The following EYA1 variants were observed in gnomAD, a reference collection of about 807,000 sequenced individuals.
The protein encoded by EYA1 is protein phosphatase EYA1.
Under a neutral mutation model 82.0 loss-of-function variants are expected in EYA1, and 16 were observed. The ratio of observed to expected loss-of-function variants is 0.20; its 90% CI spans 0.13 to 0.30. EYA1 has a LOEUF of 0.30. Among genes scored for constraint, EYA1 ranks in the 10% least tolerant of loss-of-function variants. The probability of loss-of-function intolerance (pLI) is 1.00; values close to 1 mark genes in which losing one functional copy is unlikely to be tolerated. For synonymous variants in EYA1, 261 were observed against 264.4 expected (o/e 0.99, Z 0.12); for missense variants, 633 against 730.7 (o/e 0.87, Z 1.54).
At chr8:71,310,062 C>T (rs910031767) in intron 7 of EYA1, among the ~76,000 whole-genome samples, 2 of 152,158 alleles carry the variant, frequency 1.3e-5, no homozygotes, top group African/African-American at 4.8e-5. Context: ...CTGACACCTT[C>T]CCTGGTGTGG....
intron 9 of EYA1, among the ~76,000 whole-genome samples, chr8:71,278,732 C>T (rs1462329852): frequency 6.6e-6 from 1 of 152,204 alleles, no homozygotes; most frequent in Admixed American, 6.5e-5. Context: ...TGCTGCACGA[C>T]ATGAAGGCCT....
chr8:71,200,794 T>C (rs894088650), intron 17 of EYA1, among the ~76,000 whole-genome samples: 4 of 151,572 alleles, frequency 2.6e-5, no homozygotes, highest in Non-Finnish European at 5.9e-5. Context: ...TTATATCTTG[T>C]AGGAGGTGGG....
chr8:71,353,641 C>T (rs6993201), intron 3 of EYA1, among the ~76,000 whole-genome samples: 47,675 of 152,078 alleles, frequency 0.31, 9,945 homozygotes, highest in African/African-American at 0.6. Context: ...GATTTTATAT[C>T]TTTCCTATTA....
At chr8:71,321,425 T>C (rs913171961) in intron 6 of EYA1, among the ~76,000 whole-genome samples, 5 of 152,318 alleles carry the variant, frequency 3.3e-5, no homozygotes, top group African/African-American at 1.2e-4. Flanking sequence ...ATCACAAATA[T>C]GCACAAAAAT....
intron 3 of EYA1, among the ~76,000 whole-genome samples, chr8:71,344,974 T>G (rs1402753342): frequency 6.6e-6 from 1 of 152,164 alleles, no homozygotes; most frequent in Admixed American, 6.5e-5. Context: ...TTAATGGAAA[T>G]AGTAATTACT....
At chr8:71,374,040 G>T (rs1828229054) in intron 2 of EYA1, among the ~76,000 whole-genome samples, 1 of 152,046 alleles carries the variant, frequency 6.6e-6, no homozygotes, top group African/African-American at 2.4e-5. Context: ...ACTCTTAGAA[G>T]AAAACAGGGG....
At chr8:71,289,382 C>T (rs2128984657) in intron 9 of EYA1, among the ~76,000 whole-genome samples, 1 of 152,280 alleles carries the variant, frequency 6.6e-6, no homozygotes, top group Non-Finnish European at 1.5e-5. Context: ...TAATTTCAGA[C>T]CTACATTATT....
At chr8:71,275,049 A>G (rs1250987364) in intron 9 of EYA1, among the ~76,000 whole-genome samples, 3 of 148,938 alleles carry the variant, frequency 2.0e-5, no homozygotes, top group Admixed American at 6.8e-5. Context: ...GAACACAGAG[A>G]TGAGGCTGGA....
chr8:71,226,892 G>A (rs1190900826), intron 12 of EYA1, among the ~76,000 whole-genome samples: 1 of 151,812 alleles, frequency 6.6e-6, no homozygotes, highest in African/African-American at 2.4e-5. Flanking sequence ...AAAAGGTTAT[G>A]TCCAAATGCA....
At position 71,329,763 on chromosome 8, in the gene EYA1, C is replaced by G. The variant is rs535422021; in HGVS notation, c.202+4334G>C. On this transcript the variant is annotated intron_variant, in intron 4 of 17. Coordinates refer to ENST00000340726, the MANE Select transcript of EYA1 (RefSeq NM_000503.6). ...GGATATAGAAGTGAACCAAACAAGA[C>G]AGAATCCCTGCCAACACAAGCTTAT... 1.8e-4 allele frequency among the ~76,000 whole-genome samples: 28 copies of G among 152,268 alleles called. 1 individual carries two copies. In the South Asian group the frequency reaches 4.4e-3, roughly 24 times the overall value.
intron 2 of EYA1, among the ~76,000 whole-genome samples, chr8:71,436,335 A>G (rs1185545763): frequency 2.0e-5 from 3 of 152,172 alleles, no homozygotes; most frequent in Admixed American, 2.0e-4. Flanking sequence ...CAAGGAACAT[A>G]CCCGAAGAGA....
At chr8:71,323,668 C>T (rs766723157) in intron 4 of EYA1, among the ~76,000 whole-genome samples, 1 of 152,230 alleles carries the variant, frequency 6.6e-6, no homozygotes, top group African/African-American at 2.4e-5. Context: ...GCCGGCCCAG[C>T]TGGTATACCC....
At chr8:71,259,826 C>T (rs935880903) in intron 11 of EYA1, among the ~76,000 whole-genome samples, 4 of 152,114 alleles carry the variant, frequency 2.6e-5, no homozygotes, top group Non-Finnish European at 4.4e-5. Flanking sequence ...TCTCTAGAAA[C>T]GTTAAAGGTA....
rs906079058 is a variant in EYA1, at chr8:71,334,364, G to C, written c.125-190C>G. 3 of 655,366 alleles carry C rather than the reference G, an allele frequency of 4.6e-6. No homozygotes were observed. The African/African-American group carries it at 5.5e-5, about 12-fold the overall frequency. 40.6% of individuals were successfully genotyped at this position (655,366 alleles called of 1,614,324 possible). A position where few individuals can be genotyped will look rare whatever the true frequency, so the allele number is the denominator to read the frequency against. ...TCACATATTAAGTTCTTTCCCCTTAGGAAACAATCTATTGTCACAAGTTAC... is the reference window on the plus strand; with the variant it reads ...TCACATATTAAGTTCTTTCCCCTTACGAAACAATCTATTGTCACAAGTTAC... On this transcript the variant is annotated intron_variant, in intron 3 of 17. Transcript: ENST00000340726.
chr8:71,533,402 A>G (rs533719271), intron 2 of EYA1, among the ~76,000 whole-genome samples: 1 of 152,172 alleles, frequency 6.6e-6, no homozygotes, highest in Non-Finnish European at 1.5e-5. Flanking sequence ...GATTTACTCT[A>G]AATATGGCTG....
intron 2 of EYA1, among the ~76,000 whole-genome samples, chr8:71,521,623 G>A (rs1813407960): frequency 6.6e-6 from 1 of 152,054 alleles, no homozygotes; most frequent in South Asian, 2.1e-4. Flanking sequence ...ACTTTAAATG[G>A]TGAAACAGGG....
chr8:71,217,324 C>T (rs1302380404), intron 12 of EYA1, among the ~76,000 whole-genome samples: 1 of 152,196 alleles, frequency 6.6e-6, no homozygotes, highest in Non-Finnish European at 1.5e-5. Flanking sequence ...ACCTCAGGTA[C>T]CTTAAGCCAT....
chr8:71,432,810 A>G (rs1805721151), intron 2 of EYA1, among the ~76,000 whole-genome samples: 1 of 152,180 alleles, frequency 6.6e-6, no homozygotes, highest in Non-Finnish European at 1.5e-5. Flanking sequence ...AATTATTCAA[A>G]TGAGTGGAAC....
At chr8:71,246,750 G>A (rs13270326) in intron 11 of EYA1, among the ~76,000 whole-genome samples, 50,671 of 152,112 alleles carry the variant, frequency 0.33, 8,822 homozygotes, top group African/African-American at 0.39. Flanking sequence ...TGTCAGAATC[G>A]TACATGTTTG....
Sources: gnomAD v4.1 joint callset for allele counts (sites outside exome capture counted in the v4.1 genomes callset) on GRCh38, gnomAD v4.1.1 for gene constraint, MANE v1.5 for transcripts, NCBI Gene and HGNC (gene_info 2026-07-23, HGNC 2026-07-21) for gene names.